PACRGL: variants seen among roughly 807,000 people sequenced by gnomAD.
PACRGL encodes the protein parkin coregulated like.
A neutral mutation model predicts 34.5 loss-of-function variants in PACRGL; 38 were observed. The ratio of observed to expected loss-of-function variants is 1.10; its 90% CI spans 0.85 to 1.44. PACRGL has a LOEUF of 1.44. Ranked by LOEUF, PACRGL falls within the 40% of genes most tolerant of loss-of-function variation. PACRGL has a pLI of 0.00. For synonymous variants in PACRGL, 128 were observed against 100.1 expected (o/e 1.28, Z -1.66); for missense variants, 305 against 281.4 (o/e 1.08, Z -0.60).
intron 7 of PACRGL, among the ~76,000 whole-genome samples, chr4:20,721,800 C>G (rs555230727): frequency 6.6e-6 from 1 of 152,188 alleles, no homozygotes; most frequent in Non-Finnish European, 1.5e-5. Flanking sequence ...GCAGTCTGTC[C>G]GTTCTCAGAT....
intron 8 of PACRGL, among the ~76,000 whole-genome samples, chr4:20,743,706 A>G (rs1205445811): frequency 2.0e-5 from 3 of 152,180 alleles, no homozygotes; most frequent in Non-Finnish European, 4.4e-5. Flanking sequence ...GGACATAGGC[A>G]TGGGCAAGGA....
chr4:20,706,722 C>G (rs1734647323), intron 3 of PACRGL, among the ~76,000 whole-genome samples: 1 of 151,870 alleles, frequency 6.6e-6, no homozygotes, highest in Non-Finnish European at 1.5e-5. Context: ...ACTACAGGCA[C>G]CCGCCACCAT....
downstream of PACRGL, among the ~76,000 whole-genome samples, chr4:20,733,401 G>A (rs766055192): frequency 2.6e-5 from 4 of 152,090 alleles, no homozygotes; most frequent in Non-Finnish European, 5.9e-5. Context: ...TCTTATGAGA[G>A]TAAAAATAAT....
At position 20,704,714 on chromosome 4, in the gene PACRGL, T is replaced by C; in HGVS notation, c.107T>C (p.Val36Ala). The C allele has an allele frequency of 6.2e-7, 1 of 1,614,070 alleles. No individual in the cohort carries two copies. Among genetic ancestry groups the C allele is most frequent in the African/African-American group, 1.3e-5 (1 of 75,028 alleles). ...ACACAGTTAAAACACAGGAATGCAG[T>C]TCAGGGAAGCAAATCCTCATTGTCA... ...SSTQLKHRNA[V>A]QGSKSSLSTS... is the part of the protein sequence containing the mutation. The change falls in exon 3 of 9, where the codon GTT becomes GCT. Residue 36 changes from valine to alanine, a missense_variant. Val to Ala is a moderately conservative substitution (Grantham distance 64, BLOSUM62 0). Coordinates refer to ENST00000503585, the MANE Select transcript of PACRGL (RefSeq NM_001258345.3).
downstream of PACRGL, among the ~76,000 whole-genome samples, chr4:20,735,543 T>G (rs1302227562): frequency 6.7e-6 from 1 of 148,342 alleles, no homozygotes; most frequent in Non-Finnish European, 1.5e-5. Flanking sequence ...TTTTTTTTTT[T>G]TTTTGAGATG....
downstream of PACRGL, chr4:20,732,805 C>T (rs757558424): frequency 1.4e-6 from 2 of 1,400,172 alleles, no homozygotes; most frequent in Admixed American, 3.4e-5. Flanking sequence ...AAAAGGCACT[C>T]ACGTGAGGCT....
chr4:20,741,348 G>T (rs1013069518), intron 8 of PACRGL, among the ~76,000 whole-genome samples: 4 of 152,274 alleles, frequency 2.6e-5, no homozygotes, highest in East Asian at 3.9e-4. Flanking sequence ...AAATGTAAAA[G>T]AACAGAAATT....
chr4:20,734,800 A>G, downstream of PACRGL: 5 of 954,444 alleles, frequency 5.2e-6, no homozygotes, highest in South Asian at 3.2e-5. Context: ...AAAAAAACAA[A>G]TGATGTAAGT....
At chr4:20,716,352 G>C (rs1428047041) in intron 7 of PACRGL, 3 of 583,460 alleles carry the variant, frequency 5.1e-6, no homozygotes, top group South Asian at 4.5e-5. Flanking sequence ...TTGTTTGTTT[G>C]TTTGTTTTAA....
In PACRGL at chr4:20,730,108, T is replaced by A; in HGVS notation, c.*2767T>A. On this transcript the variant is annotated 3_prime_UTR_variant, in exon 9 of 9. Transcript: ENST00000503585. ...TAAATCACATTTTCAAAGAGCTGCA[T>A]GGAGCGCATTATGTTTTCATCCTGT... The A allele has an allele frequency of 1.2e-6, 2 of 1,609,234 alleles. No homozygotes were observed. The highest frequency in any genetic ancestry group is 1.3e-5 in the African/African-American group (1 of 74,842).
the PACRGL span, among the ~76,000 whole-genome samples, chr4:20,759,461 A>C: frequency 2.0e-5 from 3 of 152,132 alleles, no homozygotes; most frequent in Non-Finnish European, 4.4e-5. Flanking sequence ...ACTTCCGGAA[A>C]GGAGAGTCTG....
Position 20,731,798 on chromosome 4 carries a change from C to G in PACRGL, c.*4457C>G. 3.0e-6 allele frequency: 3 copies of G among 985,390 alleles called. No homozygotes were observed. The highest frequency in any genetic ancestry group is 3.6e-6 in the Non-Finnish European group (3 of 829,920). 61.0% of individuals were successfully genotyped at this position (985,390 alleles called of 1,614,324 possible). ...AACTTTTGTATCCCCAGGGTTTCCTCCATAGCCTGACTCAGTGGGCACTCT... is the reference window on the plus strand; with the variant it reads ...AACTTTTGTATCCCCAGGGTTTCCTGCATAGCCTGACTCAGTGGGCACTCT... On this transcript the variant is annotated 3_prime_UTR_variant, in exon 9 of 9. Coordinates refer to ENST00000503585, the MANE Select transcript of PACRGL (RefSeq NM_001258345.3).
chr4:20,764,484 C>T, the PACRGL span, among the ~76,000 whole-genome samples: 2 of 152,032 alleles, frequency 1.3e-5, no homozygotes, highest in African/African-American at 2.4e-5. Context: ...CCTTCTGTGA[C>T]TGCACTTGTG....
At chr4:20,717,683 A>G (rs1453518766) in intron 7 of PACRGL, among the ~76,000 whole-genome samples, 3 of 152,194 alleles carry the variant, frequency 2.0e-5, no homozygotes, top group East Asian at 1.9e-4. Context: ...GTTCTGTTCC[A>G]TTGGTCAATA....
intron 7 of PACRGL, among the ~76,000 whole-genome samples, chr4:20,719,136 C>A (rs569620303): frequency 2.6e-5 from 4 of 152,280 alleles, no homozygotes; most frequent in African/African-American, 4.8e-5. Context: ...TTATAGTATT[C>A]TCTGATGGTA....
chr4:20,727,288 A>T lies in PACRGL; in HGVS notation c.694A>T (p.Ser232Cys). ...QKLEQHGGSGSLSIIKSKIPT... is the reference protein window; with the variant it reads ...QKLEQHGGSGCLSIIKSKIPT... The stretch of plus-strand genomic sequence containing the variant: ...CTCAATTTTTTTCTGTTGACAGGGG[A>T]GCCTTAGCATCATCAAATCTAAAAT... Residue 232 changes from serine to cysteine, a missense_variant, in exon 9 of 9, where the codon AGC becomes TGC. Ser to Cys is a moderately radical substitution (Grantham distance 112). Transcript: ENST00000503585. The T allele has an allele frequency of 6.2e-7, 1 of 1,611,034 alleles. No homozygotes were observed.
chr4:20,749,875 C>A, intron 8 of PACRGL: 3 of 540,638 alleles, frequency 5.5e-6, no homozygotes, highest in Non-Finnish European at 9.8e-6. Context: ...TGCTTACCCT[C>A]TTTCTGTAGA....
intron 8 of PACRGL, among the ~76,000 whole-genome samples, chr4:20,748,470 C>T (rs540149544): frequency 6.6e-6 from 1 of 151,032 alleles, no homozygotes; most frequent in South Asian, 2.1e-4. Flanking sequence ...TCATCATCTG[C>T]TTCCCTTTAT....
At chr4:20,743,609 A>G (rs1751701048) in intron 8 of PACRGL, among the ~76,000 whole-genome samples, 1 of 152,232 alleles carries the variant, frequency 6.6e-6, no homozygotes, top group Non-Finnish European at 1.5e-5. Flanking sequence ...CACTTTATAC[A>G]AAAATTAATT....
Sources: allele counts gnomAD v4.1 joint callset (sites outside exome capture counted in the v4.1 genomes callset), GRCh38; gene constraint gnomAD v4.1.1; transcripts MANE v1.5; gene names NCBI Gene and HGNC (gene_info 2026-07-23, HGNC 2026-07-21).